Variants in SMARCC1 observed in about 807,000 individuals in gnomAD.
The protein encoded by SMARCC1 is SWI/SNF related BAF chromatin remodeling complex subunit C1, also known as SWI/SNF complex subunit SMARCC1.
SMARCC1 carries 43 observed loss-of-function variants against 147.4 expected under a neutral mutation model. The observed-to-expected ratio is 0.29, with a 90% CI of 0.23 to 0.38. SMARCC1 has a LOEUF of 0.38. Ranked by LOEUF, SMARCC1 falls within the 10% of genes least tolerant of loss-of-function variation. The probability of loss-of-function intolerance (pLI) is 1.00; values close to 1 mark genes in which losing one functional copy is unlikely to be tolerated. For missense variants in SMARCC1, 1,119 were observed against 1,381.1 expected (o/e 0.81, Z 3.01); for synonymous variants, 495 against 484.4 (o/e 1.02, Z -0.29).
At position 47,683,575 on chromosome 3, in the gene SMARCC1, G is replaced by A. The variant is rs368340093; in HGVS notation, c.1385+2474C>T. ...TATAAAAAGTACCCCAAGATTGGCCGGACGCAGTGGCTCACACCTGTAATC... is the reference window on the plus strand; with the variant it reads ...TATAAAAAGTACCCCAAGATTGGCCAGACGCAGTGGCTCACACCTGTAATC... On this transcript the variant is annotated intron_variant, in intron 14 of 27. Transcript: ENST00000254480. 6.2e-4 allele frequency among the ~76,000 whole-genome samples: 95 copies of A among 152,044 alleles called. 1 individual carries two copies. The South Asian group carries it at 0.017, about 27-fold the overall frequency.
At chr3:47,588,711 C>T (rs1007041422) in intron 27 of SMARCC1, among the ~76,000 whole-genome samples, 1 of 116,064 alleles carries the variant, frequency 8.6e-6, no homozygotes, top group Non-Finnish European at 1.7e-5. Context: ...CCGCCCCCCC[C>T]CCGCCCCCAC....
intron 26 of SMARCC1, among the ~76,000 whole-genome samples, chr3:47,593,533 T>C (rs1179455172): frequency 1.3e-5 from 2 of 152,202 alleles, no homozygotes; most frequent in Non-Finnish European, 2.9e-5. Flanking sequence ...AGAATCAATG[T>C]AGTTTTTCTT....
chr3:47,724,002 C>G (rs973821078), intron 6 of SMARCC1, among the ~76,000 whole-genome samples: 1 of 151,922 alleles, frequency 6.6e-6, no homozygotes, highest in South Asian at 2.1e-4. Context: ...TATAACAAAA[C>G]AGAAAATAAA....
chr3:47,706,516 T>C lies in SMARCC1; in HGVS notation c.933A>G (p.Pro311=). ...STKNEEPVRS[P]ERRDRKASAN... The stretch of plus-strand genomic sequence containing the variant: ...CTGATGCTTTTCTATCTCTTCTTTC[T>C]GGACTTCTGACTGGCTAGGAAGAAG... Residue 311 remains proline (P), a synonymous_variant, in exon 10 of 28, where the codon CCA becomes CCG. Coordinates refer to ENST00000254480, the MANE Select transcript of SMARCC1 (RefSeq NM_003074.4). The C allele has an allele frequency of 6.3e-7, 1 of 1,579,190 alleles. No individual in the cohort carries two copies. Among genetic ancestry groups the C allele is most frequent in the Non-Finnish European group, 8.6e-7 (1 of 1,166,450 alleles).
intron 5 of SMARCC1, among the ~76,000 whole-genome samples, chr3:47,730,057 T>C (rs925933283): frequency 2.6e-5 from 4 of 152,060 alleles, no homozygotes; most frequent in Admixed American, 2.0e-4. Context: ...CACACGTCTG[T>C]AATCTCAGCT....
chr3:47,760,405 G>A (rs536481794), intron 2 of SMARCC1, among the ~76,000 whole-genome samples: 16 of 152,328 alleles, frequency 1.1e-4, no homozygotes, highest in African/African-American at 3.6e-4. Flanking sequence ...GCTCATGCCA[G>A]TAATCTCAGC....
chr3:47,643,480 T>C (rs562842200), intron 21 of SMARCC1, among the ~76,000 whole-genome samples: 1 of 151,458 alleles, frequency 6.6e-6, no homozygotes, highest in East Asian at 1.9e-4. Context: ...ACATGCATAA[T>C]GTAACCACAT....
At chr3:47,771,409 C>T (rs1314398568) in intron 2 of SMARCC1, among the ~76,000 whole-genome samples, 1 of 152,070 alleles carries the variant, frequency 6.6e-6, no homozygotes, top group Non-Finnish European at 1.5e-5. Context: ...TCCTAAAAAG[C>T]TAGTATTTGT....
intron 10 of SMARCC1, among the ~76,000 whole-genome samples, chr3:47,702,586 T>C (rs2106788923): frequency 6.6e-6 from 1 of 152,156 alleles, no homozygotes; most frequent in South Asian, 2.1e-4. Context: ...CGAGACCCCA[T>C]CTCTACCAAA....
chr3:47,753,325 C>CAAA (rs35435595), intron 2 of SMARCC1, among the ~76,000 whole-genome samples: 3 of 92,872 alleles, frequency 3.2e-5, no homozygotes, highest in Admixed American at 2.3e-4. Context: ...ACTCCATCTC[C>CAAA]AAAAAAAAAA....
At chr3:47,596,962 G>A (rs935615471) in intron 26 of SMARCC1, among the ~76,000 whole-genome samples, 25 of 151,912 alleles carry the variant, frequency 1.6e-4, no homozygotes, top group Non-Finnish European at 3.1e-4. Context: ...TTGGGAGGCC[G>A]AGGCAGGCAG....
intron 2 of SMARCC1, among the ~76,000 whole-genome samples, chr3:47,750,357 C>A (rs1195363188): frequency 6.6e-6 from 1 of 152,122 alleles, no homozygotes; most frequent in Non-Finnish European, 1.5e-5. Context: ...ATCACTTGAA[C>A]CCGAGAGGCA....
At chr3:47,635,611 T>C (rs969782412) in intron 23 of SMARCC1, among the ~76,000 whole-genome samples, 5 of 152,314 alleles carry the variant, frequency 3.3e-5, no homozygotes, top group South Asian at 2.1e-4. Context: ...TAAAGGAACA[T>C]ACAGGGGAAC....
chr3:47,693,349 T>C (rs1255469900), intron 11 of SMARCC1, 49 bp from the exon 12 acceptor site: 1 of 1,102,020 alleles, frequency 9.1e-7, no homozygotes, highest in Admixed American at 1.8e-5. Context: ...AAGTTGTACT[T>C]CTTTTTAGAA....
intron 21 of SMARCC1, 77 bp from the exon 22 acceptor site, chr3:47,638,857 TCTGAA>T: frequency 3.0e-6 from 3 of 986,700 alleles, no homozygotes; most frequent in Non-Finnish European, 4.9e-6. Flanking sequence ...TGTGAGAGTG[TCTGAA>T]ATACAAATAT....
rs905247878 is a variant in SMARCC1, at chr3:47,642,928, T to C, written c.2321-4148A>G. ...AAAAACAATTAGCCATGCATGATGG[T>C]GCACGCCTGTAGTCCCAGCTACTCA... On this transcript the variant is annotated intron_variant, in intron 21 of 27. Coordinates refer to ENST00000254480, the MANE Select transcript of SMARCC1 (RefSeq NM_003074.4). 5.9e-5 allele frequency among the ~76,000 whole-genome samples: 9 copies of C among 152,134 alleles called. No individual in the cohort carries two copies. The South Asian group carries it at 8.3e-4, about 14-fold the overall frequency.
At chr3:47,669,351 C>T (rs969077835) in intron 19 of SMARCC1, among the ~76,000 whole-genome samples, 1 of 152,180 alleles carries the variant, frequency 6.6e-6, no homozygotes, top group African/African-American at 2.4e-5. Flanking sequence ...ACAACTGTTG[C>T]TCCAGTCATT....
intron 18 of SMARCC1, among the ~76,000 whole-genome samples, chr3:47,671,196 A>AAAAAAAAAACAAAAAAAAAC (rs753672169): frequency 1.2e-5 from 1 of 81,144 alleles, no homozygotes. Context: ...AAAAAAAAAA[A>AAAAAAAAAACAAAAAAAAAC]AACACACACA....
At chr3:47,624,767 G>A (rs2032783787) in intron 24 of SMARCC1, among the ~76,000 whole-genome samples, 1 of 152,066 alleles carries the variant, frequency 6.6e-6, no homozygotes. Context: ...AATAAATTGA[G>A]GCTGGGCACA....
Sources: allele counts gnomAD v4.1 joint callset (sites outside exome capture counted in the v4.1 genomes callset), GRCh38; gene constraint gnomAD v4.1.1; transcripts MANE v1.5; gene names NCBI Gene and HGNC (gene_info 2026-07-23, HGNC 2026-07-21).